Variants in XCR1 observed in about 807,000 individuals in gnomAD.
XCR1 encodes chemokine XC receptor 1.
For synonymous variants in XCR1, 187 were observed against 188.5 expected, an observed-to-expected ratio of 0.99 and a Z score of 0.06; for missense variants, 356 against 424.2, an observed-to-expected ratio of 0.84 and a Z score of 1.41.
intron 4 of XCR1, among the ~76,000 whole-genome samples, chr3:46,066,174 G>A (rs969985427): frequency 4.6e-5 from 7 of 151,798 alleles, no homozygotes; most frequent in African/African-American, 1.7e-4. Context: ...GGTGCTCTTG[G>A]GCACAGCCTG....
intron 1 of XCR1, among the ~76,000 whole-genome samples, chr3:46,023,129 C>CGCG (rs1010120168): frequency 3.3e-5 from 5 of 152,148 alleles, no homozygotes; most frequent in Admixed American, 1.3e-4. Flanking sequence ...CGTGCGGGGT[C>CGCG]GCGGCGGCGG....
At chr3:46,056,314 A>G (rs1697849447) in intron 4 of XCR1, among the ~76,000 whole-genome samples, 2 of 152,216 alleles carry the variant, frequency 1.3e-5, no homozygotes, top group South Asian at 4.2e-4. Context: ...AAGTGTTGGG[A>G]TTACAGGCGT....
intron 4 of XCR1, among the ~76,000 whole-genome samples, chr3:46,063,657 C>G (rs957907119): frequency 6.6e-6 from 1 of 152,162 alleles, no homozygotes; most frequent in Non-Finnish European, 1.5e-5. Flanking sequence ...ACCTGCCCAG[C>G]CTAACTCGAT....
intron 1 of XCR1, chr3:46,024,022 CAGA>C (rs1708234978): frequency 3.0e-6 from 4 of 1,326,744 alleles, no homozygotes; most frequent in Non-Finnish European, 4.3e-6. Flanking sequence ...CTCAACCTGG[CAGA>C]AGTTTGCAGC....
intron 5 of XCR1, among the ~76,000 whole-genome samples, chr3:46,052,498 TC>T (rs1296629496): frequency 6.6e-6 from 1 of 152,214 alleles, no homozygotes; most frequent in Non-Finnish European, 1.5e-5. Flanking sequence ...CATTGTAAGA[TC>T]CTTTCTGTCC....
intron 1 of XCR1, among the ~76,000 whole-genome samples, chr3:46,085,692 A>G (rs892234716): frequency 1.3e-5 from 2 of 152,104 alleles, no homozygotes; most frequent in African/African-American, 4.8e-5. Context: ...TGTCTCAACA[A>G]TCATGCATAA....
intron 1 of XCR1, among the ~76,000 whole-genome samples, chr3:46,082,060 G>C (rs6802380): frequency 0.077 from 11,776 of 152,188 alleles, 792 homozygotes; most frequent in African/African-American, 0.19. Flanking sequence ...TAAACTTAAA[G>C]GCATTGATGC....
intron 5 of XCR1, among the ~76,000 whole-genome samples, chr3:46,048,392 A>C (rs1000378975): frequency 1.3e-5 from 2 of 152,060 alleles, no homozygotes; most frequent in African/African-American, 2.4e-5. Flanking sequence ...TGTCCCTGAC[A>C]CTCCAGTAGT....
At chr3:46,079,997 A>C (rs1294114619) in intron 1 of XCR1, among the ~76,000 whole-genome samples, 1 of 152,134 alleles carries the variant, frequency 6.6e-6, no homozygotes, top group Non-Finnish European at 1.5e-5. Flanking sequence ...CTTTCCTCAA[A>C]TGTAGAGTGG....
At chr3:46,048,781 A>G (rs1697682694) in intron 5 of XCR1, among the ~76,000 whole-genome samples, 1 of 152,120 alleles carries the variant, frequency 6.6e-6, no homozygotes. Context: ...TACCATCCAT[A>G]CCAGGAGTCA....
chr3:46,082,619 T>A (rs1165163614), intron 1 of XCR1, among the ~76,000 whole-genome samples: 1 of 150,696 alleles, frequency 6.6e-6, no homozygotes, highest in South Asian at 2.1e-4. Context: ...GCTTCCCGAG[T>A]AGCTGGGGCA....
At chr3:46,049,297 A>G (rs1038423201) in intron 5 of XCR1, among the ~76,000 whole-genome samples, 1 of 152,002 alleles carries the variant, frequency 6.6e-6, no homozygotes, top group Non-Finnish European at 1.5e-5. Context: ...TGCCTGTGAG[A>G]TAAATGGAAC....
Position 46,045,840 on chromosome 3 carries a change from G to A in XCR1, c.-32+8080C>T, listed in dbSNP as rs374285949. 1.8e-4 allele frequency among the ~76,000 whole-genome samples: 28 copies of A among 152,216 alleles called. No individual in the cohort carries two copies. The East Asian group carries it at 2.3e-3, about 13-fold the overall frequency. ...TTAAAGAACCAAACATAAAGCTACCGTTGGATCCTGCAATCCCACTCCTAG... is the reference window on the plus strand; with the variant it reads ...TTAAAGAACCAAACATAAAGCTACCATTGGATCCTGCAATCCCACTCCTAG... On this transcript the variant is annotated intron_variant, in intron 5 of 5. Transcript: ENST00000683768.
chr3:46,024,069 C>A (rs1708236067), intron 1 of XCR1: 1 of 950,896 alleles, frequency 1.1e-6, no homozygotes, highest in Admixed American at 1.8e-5. Context: ...TTCCAATCCC[C>A]AGTCTTCCTC....
chr3:46,027,916 C>A (rs181607333), upstream of XCR1, among the ~76,000 whole-genome samples: 7 of 152,264 alleles, frequency 4.6e-5, no homozygotes, highest in Non-Finnish European at 1.5e-5. Context: ...CACTTCAGCC[C>A]CTGATTGGTC....
chr3:46,038,191 T>A (rs1310361988), intron 5 of XCR1, among the ~76,000 whole-genome samples: 10 of 151,982 alleles, frequency 6.6e-5, no homozygotes, highest in Non-Finnish European at 1.3e-4. Flanking sequence ...CCATGCCTTG[T>A]ATTTTTCTGA....
rs1187618037 is a variant in XCR1 at position 46,024,109 on chromosome 3, C to G, written c.-31-2131G>C. ...GGATTTTACATCTCCAGAACTTCCC[C>G]TTATGGATCTCCCTGAGAATATTCT... On this transcript the variant is annotated intron_variant, in intron 1 of 1. Transcript: ENST00000309285. 2.9e-5 allele frequency: 22 copies of G among 745,832 alleles called. No individual in the cohort carries two copies. In the Admixed American group the frequency reaches 3.8e-4, roughly 13 times the overall value. 46.2% of individuals were successfully genotyped at this position (745,832 alleles called of 1,614,324 possible).
chr3:46,034,920 A>C (rs1697394328), intron 5 of XCR1, among the ~76,000 whole-genome samples: 1 of 152,138 alleles, frequency 6.6e-6, no homozygotes, highest in South Asian at 2.1e-4. Context: ...CAGACCCTTC[A>C]TTCATCATGA....
intron 1 of XCR1, chr3:46,024,095 C>A: frequency 1.2e-6 from 1 of 807,204 alleles, no homozygotes; most frequent in Non-Finnish European, 2.1e-6. Context: ...GATTTTACAT[C>A]TCCAGAACTT....
Sources: gnomAD v4.1 joint callset for allele counts (sites outside exome capture counted in the v4.1 genomes callset) on GRCh38, gnomAD v4.1.1 for gene constraint, MANE v1.5 for transcripts, NCBI Gene and HGNC (gene_info 2026-07-23, HGNC 2026-07-21) for gene names.